Variants in RPS27A observed in about 807,000 individuals in gnomAD.
RPS27A encodes ribosomal protein S27a.
A neutral mutation model predicts 18.9 loss-of-function variants in RPS27A; 1 was observed. That is an observed-to-expected ratio of 0.05 (90% CI 0.02 to 0.25). The LOEUF (loss-of-function observed/expected upper bound fraction) is 0.25. Ranked by LOEUF, RPS27A falls within the 10% of genes least tolerant of loss-of-function variation. The probability of loss-of-function intolerance (pLI) is 1.00; values close to 1 mark genes in which losing one functional copy is unlikely to be tolerated. For synonymous variants in RPS27A, 77 were observed against 63.7 expected, an observed-to-expected ratio of 1.21 and a Z score of -0.99; for missense variants, 123 against 187.4, an observed-to-expected ratio of 0.66 and a Z score of 2.01.
At chr2:55,235,209 C>A (rs1675728056) in intron 5 of RPS27A, 3 of 690,400 alleles carry the variant, frequency 4.3e-6, no homozygotes, top group Admixed American at 2.7e-5. Flanking sequence ...TTACCTTTGT[C>A]TACCACTTGC....
upstream of RPS27A, chr2:55,232,576 A>T (rs570170935): frequency 4.8e-5 from 28 of 578,874 alleles, no homozygotes; most frequent in South Asian, 5.3e-4. Flanking sequence ...CTAGTCTGGC[A>T]CCGGGTTGGA....
intron 4 of RPS27A, 25 bp from the exon 5 acceptor site, chr2:55,234,806 G>C: frequency 6.2e-7 from 1 of 1,611,560 alleles, no homozygotes; most frequent in Non-Finnish European, 8.5e-7. Context: ...AATCATGAAA[G>C]CTTGCTTCAT....
chr2:55,233,776 G>A (rs957465470), intron 3 of RPS27A: 2 of 471,236 alleles, frequency 4.2e-6, no homozygotes, highest in Admixed American at 6.8e-5. Flanking sequence ...TTACAGGCGT[G>A]CACCACCATG....
upstream of RPS27A, chr2:55,232,679 G>C (rs556773707): frequency 6.3e-5 from 49 of 772,862 alleles, no homozygotes; most frequent in Middle Eastern, 1.1e-3. Flanking sequence ...GGCCTGCGCG[G>C]CGTTCTTCCT....
chr2:55,235,218 G>GC, intron 5 of RPS27A: 1 of 697,878 alleles, frequency 1.4e-6, no homozygotes, highest in East Asian at 2.7e-5. Context: ...TCTACCACTT[G>GC]CAAAGCTGGC....
chr2:55,234,294 CTG>C (rs1255868611), intron 4 of RPS27A, 90 bp downstream of exon 4: 5 of 920,126 alleles, frequency 5.4e-6, no homozygotes, highest in South Asian at 1.4e-5. Flanking sequence ...GGCTCTGACT[CTG>C]TCACCTAGGG....
chr2:55,235,232 T>C (rs1180672377), intron 5 of RPS27A, 196 bp from the exon 6 acceptor site: 5 of 728,756 alleles, frequency 6.9e-6, no homozygotes, highest in African/African-American at 1.8e-5. Context: ...AGCTGGCCTT[T>C]AGTGTTCAAA....
intron 5 of RPS27A, chr2:55,235,197 C>T (rs1573832493): frequency 1.4e-6 from 1 of 696,838 alleles, no homozygotes; most frequent in South Asian, 1.9e-5. Flanking sequence ...GGGTTCAGGT[C>T]TTTACCTTTG....
At chr2:55,233,532 A>C (rs1675612055) in intron 3 of RPS27A, 115 bp downstream of exon 3, 2 of 754,466 alleles carry the variant, frequency 2.7e-6, no homozygotes, top group Non-Finnish European at 2.4e-6. Flanking sequence ...GACAAAGCGA[A>C]ATACTTGTGG....
chr2:55,234,636 G>A (rs969189779), intron 4 of RPS27A, 195 bp from the exon 5 acceptor site: 2 of 648,012 alleles, frequency 3.1e-6, no homozygotes, highest in Non-Finnish European at 5.4e-6. Context: ...GTATCCCATG[G>A]TGTAATGTAA....
In RPS27A at chr2:55,235,796, T is replaced by C; in HGVS notation, c.*219T>C. 1 of 595,734 alleles carries C rather than the reference T, an allele frequency of 1.7e-6. No individual in the cohort carries two copies. Among genetic ancestry groups the C allele is most frequent in the Admixed American group, 2.9e-5 (1 of 34,284 alleles). The allele number at this position is 595,734 out of a possible 1,614,324, so 36.9% of individuals were successfully genotyped here. A position where few individuals can be genotyped will look rare whatever the true frequency, so the allele number is the denominator to read the frequency against. Reference sequence around the variant, plus strand: ...TTGTAAAGGTCTTGATATTTTCAATTCTTAGACTACCTATACTTTGGCAGA... The same window carrying C: ...TTGTAAAGGTCTTGATATTTTCAATCCTTAGACTACCTATACTTTGGCAGA... On this transcript the variant is annotated 3_prime_UTR_variant, in exon 6 of 6. Transcript: ENST00000272317.
At chr2:55,234,638 G>A in intron 4 of RPS27A, 193 bp from the exon 5 acceptor site, 1 of 652,380 alleles carries the variant, frequency 1.5e-6, no homozygotes, top group East Asian at 2.8e-5. Context: ...ATCCCATGGT[G>A]TAATGTAATG....
chr2:55,233,165 G>T (rs531196007), intron 2 of RPS27A, 198 bp from the exon 3 acceptor site: 1 of 658,328 alleles, frequency 1.5e-6, no homozygotes, highest in Admixed American at 2.4e-5. Flanking sequence ...CCCTGCGGCC[G>T]CCGCCCGCTC....
Position 55,234,174 on chromosome 2 carries a change from A to G in RPS27A, c.159A>G (p.Gly53=). The change falls in exon 4 of 6, where the codon GGA becomes GGG. Residue 53 remains glycine, a synonymous_variant. Transcript: ENST00000272317. ...LIFAGKQLED[G]RTLSDYNIQK... is the part of the protein sequence containing the mutation. ...TTGCTGGCAAGCAGCTGGAAGATGG[A>G]CGTACTTTGTCTGACTACAATATTC... 1 of 1,612,230 alleles carries G rather than the reference A, an allele frequency of 6.2e-7. No homozygotes were observed. Among genetic ancestry groups the G allele is most frequent in the Non-Finnish European group, 8.5e-7 (1 of 1,178,280 alleles).
At position 55,233,141 on chromosome 2, in the gene RPS27A, G is replaced by A. The variant is rs1675575087; in HGVS notation, c.49-222G>A. On this transcript the variant is annotated intron_variant, in intron 2 of 5. Transcript: ENST00000272317. ...GAAGGAGACGCTCTGCCCGCCGGGTGCGAGCACGTGTGGCCCTGCGGCCGC... is the reference window on the plus strand; with the variant it reads ...GAAGGAGACGCTCTGCCCGCCGGGTACGAGCACGTGTGGCCCTGCGGCCGC... 4 of 639,730 alleles carry A rather than the reference G, an allele frequency of 6.3e-6. No individual in the cohort carries two copies. In the South Asian group the frequency reaches 7.4e-5, roughly 12 times the overall value. The allele number at this position is 639,730 out of a possible 1,614,324, so 39.6% of individuals were successfully genotyped here.
At chr2:55,235,096 T>G in intron 5 of RPS27A, 134 bp downstream of exon 5, 1 of 981,458 alleles carries the variant, frequency 1.0e-6, no homozygotes, top group South Asian at 1.5e-5. Flanking sequence ...TGAGGTATTC[T>G]GGAAATGAGA....
At chr2:55,234,092 G>T in intron 3 of RPS27A, 27 bp from the exon 4 acceptor site, 1 of 1,517,554 alleles carries the variant, frequency 6.6e-7, no homozygotes, top group South Asian at 1.1e-5. Context: ...GGTGTGCTGT[G>T]ACTTAATTTT....
chr2:55,234,583 G>C (rs771913187), intron 4 of RPS27A: 102 of 573,424 alleles, frequency 1.8e-4, no homozygotes, highest in Non-Finnish European at 2.6e-4. Context: ...ACTGATACTT[G>C]AGAAGCACTG....
At position 55,235,511 on chromosome 2, in the gene RPS27A, C is replaced by G; in HGVS notation, c.405C>G (p.His135Gln). The stretch of plus-strand genomic sequence containing the variant: ...GTGCTGGGGTGTTTATGGCAAGTCA[C>G]TTTGACAGACATTATTGTGGCAAAT... ...ECGAGVFMAS[H>Q]FDRHYCGKCC... is the part of the protein sequence containing the mutation. The change falls in exon 6 of 6, where the codon CAC becomes CAG. Residue 135 changes from histidine to glutamine, a missense_variant. His to Gln is a conservative substitution (Grantham distance 24, BLOSUM62 0). This residue lies in a region of RPS27A where 57 missense variants were observed against 114.8 expected (regional missense o/e 0.50). Transcript: ENST00000272317. 6.2e-7 allele frequency: 1 copy of G among 1,610,580 alleles called. No individual in the cohort carries two copies. The highest frequency in any genetic ancestry group is 8.5e-7 in the Non-Finnish European group (1 of 1,179,992).
Sources: gnomAD v4.1 joint callset for allele counts on GRCh38, gnomAD v4.1.1 for gene constraint, gnomAD v4.1.1 regional missense constraint, MANE v1.5 for transcripts, NCBI Gene and HGNC (gene_info 2026-07-23, HGNC 2026-07-21) for gene names.